The following PRDM1 variants were observed in gnomAD, a reference collection of about 807,000 sequenced individuals.
The protein encoded by PRDM1 is PR domain zinc finger protein 1.
PRDM1 carries 13 observed loss-of-function variants against 62.8 expected under a neutral mutation model. The ratio of observed to expected loss-of-function variants is 0.21; its 90% CI spans 0.13 to 0.33. The LOEUF (loss-of-function observed/expected upper bound fraction) is 0.33, where lower values mean the gene tolerates loss of function less well. Ranked by LOEUF, PRDM1 falls within the 10% of genes least tolerant of loss-of-function variation. The pLI is 1.00. For synonymous variants in PRDM1, 396 were observed against 417.6 expected, an observed-to-expected ratio of 0.95 and a Z score of 0.63; for missense variants, 895 against 1,058.8, an observed-to-expected ratio of 0.85 and a Z score of 2.15.
At position 106,067,155 on chromosome 6, in the gene PRDM1, T is replaced by C. The variant is rs530026409; in HGVS notation, c.-67+18441T>C. ...TTCACCACCATTACAAACAGCCTCA[T>C]AGAATTTGCTTGCATAAATAAGACA... On this transcript the variant is annotated intron_variant, in intron 1 of 6. Transcript: ENST00000651185. Among the ~76,000 whole-genome samples the C allele has an allele frequency of 2.7e-4, 41 of 152,334 alleles. No homozygotes were observed. The South Asian group carries it at 7.9e-3, about 29-fold the overall frequency.
intron 1 of PRDM1, among the ~76,000 whole-genome samples, chr6:106,049,689 C>G (rs1222234490): frequency 6.6e-6 from 1 of 151,718 alleles, no homozygotes; most frequent in Non-Finnish European, 1.5e-5. Context: ...CATGGCCACA[C>G]ACACACACAC....
intron 1 of PRDM1, among the ~76,000 whole-genome samples, chr6:106,081,017 A>G (rs1376117732): frequency 6.6e-6 from 1 of 152,246 alleles, no homozygotes; most frequent in Non-Finnish European, 1.5e-5. Context: ...GGCTATCTTC[A>G]GGTTAAAAGG....
Position 106,106,717 on chromosome 6 carries a change from A to G in PRDM1, c.1903-194A>G, listed in dbSNP as rs1004835242. ...AGTGGGTGGGAAAATGGTAGGGGAA[A>G]TAAACAGCCCCTCGTGTGCTGTGTG... On this transcript the variant is annotated intron_variant, in intron 6 of 6. Transcript: ENST00000369096. This position sits in a 1 kb window ranked among gnomAD's most constrained non-coding sequence, Gnocchi z 4.4. Among the ~76,000 whole-genome samples, 6 of 152,170 alleles carry G rather than the reference A, an allele frequency of 3.9e-5. No homozygotes were observed. Among genetic ancestry groups the G allele is most frequent in the African/African-American group, 1.4e-4 (6 of 41,434 alleles).
chr6:106,079,926 A>T (rs1444468716), intron 1 of PRDM1, among the ~76,000 whole-genome samples: 1 of 152,224 alleles, frequency 6.6e-6, no homozygotes, highest in Non-Finnish European at 1.5e-5. Context: ...GAAGAGTGGG[A>T]AGAGATAGCT....
At chr6:106,096,040 C>T (rs1446353111) in intron 3 of PRDM1, 6 of 252,268 alleles carry the variant, frequency 2.4e-5, no homozygotes. Flanking sequence ...ATTTGCATTT[C>T]TCCGCAAGGA....
At chr6:106,093,567 A>G (rs1441870140) in intron 2 of PRDM1, among the ~76,000 whole-genome samples, 1 of 152,198 alleles carries the variant, frequency 6.6e-6, no homozygotes, top group Non-Finnish European at 1.5e-5. Flanking sequence ...ATGTTAAATG[A>G]TTTGCATGTC....
In PRDM1 at chr6:106,109,083, T is replaced by A; in HGVS notation, c.*1597T>A. On this transcript the variant is annotated 3_prime_UTR_variant, in exon 7 of 7. Transcript: ENST00000369096. ...CAAGCCATGTAAAAGATCTACTTTT[T>A]CTAAGGGCAAAAAAAAAAAAAAAAA... is the stretch of plus-strand genomic sequence containing the variant. 5.3e-6 allele frequency: 1 copy of A among 188,930 alleles called. No homozygotes were observed. The highest frequency in any genetic ancestry group is 1.0e-5 in the Non-Finnish European group (1 of 96,834). The allele number at this position is 188,930 out of a possible 1,614,324, so 11.7% of individuals were successfully genotyped here. A position where few individuals can be genotyped will look rare whatever the true frequency, so the allele number is the denominator to read the frequency against.
At chr6:106,030,926 T>A (rs1302404787) in intron 1 of PRDM1, among the ~76,000 whole-genome samples, 1 of 152,130 alleles carries the variant, frequency 6.6e-6, no homozygotes, top group Non-Finnish European at 1.5e-5. Context: ...ATTAAAAGCT[T>A]CTGGAAGAAT....
intron 3 of PRDM1, among the ~76,000 whole-genome samples, chr6:106,096,970 C>T (rs1034410337): frequency 3.9e-5 from 6 of 152,086 alleles, no homozygotes; most frequent in African/African-American, 7.2e-5. Context: ...TTGCCTAGAA[C>T]GATTATATCG....
chr6:106,098,749 A>C lies in PRDM1; in HGVS notation c.412-551A>C, dbSNP rs1774181821. 14 of 1,444,958 alleles carry C rather than the reference A, an allele frequency of 9.7e-6. No homozygotes were observed. The East Asian group carries it at 4.4e-4, about 45-fold the overall frequency. The allele number at this position is 1,444,958 out of a possible 1,614,324, so 89.5% of individuals were successfully genotyped here. A position where few individuals can be genotyped will look rare whatever the true frequency, so the allele number is the denominator to read the frequency against. ...AAGGTTCCAAGTATTCATATGAACAAGTGTTACTTTAGGACTTGGAGGGTT... is the reference window on the plus strand; with the variant it reads ...AAGGTTCCAAGTATTCATATGAACACGTGTTACTTTAGGACTTGGAGGGTT... On this transcript the variant is annotated intron_variant, in intron 3 of 6. Transcript: ENST00000369096.
chr6:106,062,717 T>C (rs1311064640), intron 1 of PRDM1, among the ~76,000 whole-genome samples: 1 of 152,192 alleles, frequency 6.6e-6, no homozygotes, highest in Non-Finnish European at 1.5e-5. Context: ...AGGTTTTGAC[T>C]AAGTTTTGGC....
At chr6:106,090,553 G>A (rs1408855587) in intron 2 of PRDM1, among the ~76,000 whole-genome samples, 1 of 152,312 alleles carries the variant, frequency 6.6e-6, no homozygotes, top group Admixed American at 6.5e-5. Flanking sequence ...GGAAAGGACA[G>A]CTTCCTTTAG....
At chr6:106,079,041 A>T (rs1180340023) in intron 1 of PRDM1, among the ~76,000 whole-genome samples, 1 of 151,562 alleles carries the variant, frequency 6.6e-6, no homozygotes, top group African/African-American at 2.4e-5. Flanking sequence ...GCTTACTGCA[A>T]CCTCTGCCTC....
In PRDM1 at chr6:106,059,988, T is replaced by A. The variant is rs149343745; in HGVS notation, c.-67+11274T>A. Among the ~76,000 whole-genome samples, 16 of 152,342 alleles carry A rather than the reference T, an allele frequency of 1.1e-4. No homozygotes were observed. The East Asian group carries it at 2.9e-3, about 28-fold the overall frequency. ...GTTCTGTTTTGGATTAAGATTGATA[T>A]GTCCATAAAATGTCCAAATAAAGTT... On this transcript the variant is annotated intron_variant, in intron 1 of 6. Coordinates refer to the PRDM1 transcript ENST00000651185.
At chr6:105,996,547 A>G (rs898371317) in intron 1 of PRDM1, among the ~76,000 whole-genome samples, 1 of 152,150 alleles carries the variant, frequency 6.6e-6, no homozygotes, top group Non-Finnish European at 1.5e-5. Flanking sequence ...CGTTTTCTAT[A>G]GCATTCAACT....
At chr6:106,061,164 A>G (rs1773339578) in intron 1 of PRDM1, among the ~76,000 whole-genome samples, 1 of 150,778 alleles carries the variant, frequency 6.6e-6, no homozygotes, top group Non-Finnish European at 1.5e-5. Context: ...GCCTTCCAGC[A>G]GTTCAGCAGT....
chr6:106,041,330 G>T (rs1772991817), intron 1 of PRDM1, among the ~76,000 whole-genome samples: 1 of 152,188 alleles, frequency 6.6e-6, no homozygotes. Context: ...TTCAGGAGCA[G>T]AATGAGTCAC....
intron 1 of PRDM1, among the ~76,000 whole-genome samples, chr6:106,010,792 C>T (rs1415606530): frequency 6.6e-6 from 1 of 152,212 alleles, no homozygotes; most frequent in African/African-American, 2.4e-5. Context: ...GCACAACTCA[C>T]TTTTGGCCAA....
intron 1 of PRDM1, among the ~76,000 whole-genome samples, chr6:106,006,672 A>T (rs62420705): frequency 0.077 from 11,693 of 152,004 alleles, 613 homozygotes; most frequent in African/African-American, 0.11. Flanking sequence ...TGGTACACAT[A>T]ACGAAGAAAT....
Sources: gnomAD v4.1 joint callset for allele counts (sites outside exome capture counted in the v4.1 genomes callset) on GRCh38, gnomAD v4.1.1 for gene constraint, Gnocchi (gnomAD v3.1) non-coding constraint, MANE v1.5 for transcripts, NCBI Gene and HGNC (gene_info 2026-07-23, HGNC 2026-07-21) for gene names.